The following ITSN1 variants were observed in gnomAD, a reference collection of about 807,000 sequenced individuals.
ITSN1 encodes the protein intersectin 1.
A neutral mutation model predicts 239.8 loss-of-function variants in ITSN1; 58 were observed. The observed-to-expected ratio is 0.24, with a 90% CI of 0.20 to 0.30. ITSN1 has a LOEUF of 0.30. Ranked by LOEUF, ITSN1 falls within the 10% of genes least tolerant of loss-of-function variation. ITSN1 has a pLI of 1.00. For missense variants in ITSN1, 1,558 were observed against 2,103.3 expected, an observed-to-expected ratio of 0.74 and a Z score of 5.07; for synonymous variants, 780 against 770.8, an observed-to-expected ratio of 1.01 and a Z score of -0.20.
intron 11 of ITSN1, among the ~76,000 whole-genome samples, chr21:33,770,744 C>T (rs969559942): frequency 5.3e-5 from 8 of 150,338 alleles, no homozygotes; most frequent in Non-Finnish European, 1.0e-4. Flanking sequence ...TCATCCCTTT[C>T]TGTGGGAGGG....
Position 33,818,360 on chromosome 21 carries a change from A to G in ITSN1, c.2821A>G (p.Thr941Ala), listed in dbSNP as rs770646771. The G allele has an allele frequency of 9.3e-6, 15 of 1,614,110 alleles. No individual in the cohort carries two copies. In the African/African-American group the frequency reaches 1.6e-4, roughly 17 times the overall value. ...HLNFNKNDVI[T>A]VLEQQDMWWF... is the part of the protein sequence containing the mutation. ...AAATTTTAACAAAAATGATGTCATC[A>G]CCGTCCTGGAACAGCAAGACATGTG... The change falls in exon 23 of 40, where the codon ACC becomes GCC. Residue 941 changes from threonine to alanine, a missense_variant. Physicochemically the swap from Thr to Ala is moderately conservative, Grantham distance 58. This residue lies in a region of ITSN1 where 982 missense variants were observed against 1,209.9 expected (regional missense o/e 0.81). Transcript: ENST00000381318.
At chr21:33,716,085 C>T (rs1309761329) in intron 1 of ITSN1, among the ~76,000 whole-genome samples, 14 of 152,068 alleles carry the variant, frequency 9.2e-5, no homozygotes, top group Admixed American at 9.2e-4. Context: ...ACCTAAGTAC[C>T]TGCAGAGGTC....
At chr21:33,646,447 A>T (rs1376100014) in intron 1 of ITSN1, among the ~76,000 whole-genome samples, 1 of 152,196 alleles carries the variant, frequency 6.6e-6, no homozygotes, top group Non-Finnish European at 1.5e-5. Flanking sequence ...AATAGAGAAA[A>T]TTGTTATGTT....
intron 1 of ITSN1, among the ~76,000 whole-genome samples, chr21:33,650,063 C>G (rs1009771946): frequency 4.0e-5 from 6 of 149,670 alleles, no homozygotes; most frequent in African/African-American, 1.5e-4. Flanking sequence ...AAGAAAATAA[C>G]AAGGTCATAG....
chr21:33,722,790 AC>A, intron 4 of ITSN1, 139 bp downstream of exon 4: 3 of 810,096 alleles, frequency 3.7e-6, no homozygotes, highest in Non-Finnish European at 5.2e-6. Context: ...GTTACTTCTT[AC>A]CAGAGAGTTA....
At chr21:33,844,512 C>T (rs1284942088) in intron 29 of ITSN1, among the ~76,000 whole-genome samples, 6 of 152,204 alleles carry the variant, frequency 3.9e-5, no homozygotes, top group African/African-American at 1.4e-4. Flanking sequence ...GACATGCCGG[C>T]TGCTGGATTT....
intron 5 of ITSN1, among the ~76,000 whole-genome samples, chr21:33,737,736 G>C (rs902531697): frequency 1.3e-5 from 2 of 152,002 alleles, no homozygotes; most frequent in African/African-American, 4.8e-5. Context: ...GCAACACCCA[G>C]CTAATTTTTG....
chr21:33,666,391 A>T (rs1342261600), intron 1 of ITSN1, among the ~76,000 whole-genome samples: 1 of 152,202 alleles, frequency 6.6e-6, no homozygotes, highest in African/African-American at 2.4e-5. Flanking sequence ...ATTGTCTGAG[A>T]TGTCACTGAA....
intron 1 of ITSN1, among the ~76,000 whole-genome samples, chr21:33,674,963 AAAAG>A (rs1159888605): frequency 6.6e-6 from 1 of 152,152 alleles, no homozygotes; most frequent in African/African-American, 2.4e-5. Context: ...TAATGAAAGA[AAAAG>A]AAAGATCATA....
chr21:33,728,067 T>C (rs111624619), intron 4 of ITSN1, among the ~76,000 whole-genome samples: 6,693 of 151,604 alleles, frequency 0.044, 503 homozygotes, highest in African/African-American at 0.16. Context: ...CGGGTCTAAG[T>C]GATTCTTCTG....
intron 24 of ITSN1, among the ~76,000 whole-genome samples, chr21:33,820,410 A>T (rs186133998): frequency 6.6e-6 from 1 of 152,370 alleles, no homozygotes; most frequent in African/African-American, 2.4e-5. Context: ...AACCAATTCT[A>T]TAGTAATTCT....
At chr21:33,745,781 C>T (rs2067142965) in intron 5 of ITSN1, among the ~76,000 whole-genome samples, 1 of 152,174 alleles carries the variant, frequency 6.6e-6, no homozygotes, top group Non-Finnish European at 1.5e-5. Flanking sequence ...AACTCGTGGT[C>T]ATGGCCAGGG....
intron 34 of ITSN1, among the ~76,000 whole-genome samples, chr21:33,880,469 G>A (rs1984712121): frequency 6.6e-6 from 1 of 152,138 alleles, no homozygotes; most frequent in South Asian, 2.1e-4. Flanking sequence ...TTCTTTGAAG[G>A]TTCCTGTTGT....
intron 1 of ITSN1, among the ~76,000 whole-genome samples, chr21:33,717,643 TCTC>T (rs2065234217): frequency 5.3e-5 from 8 of 151,420 alleles, no homozygotes; most frequent in Admixed American, 2.6e-4. Flanking sequence ...GCAAGCTCCA[TCTC>T]CTGGGTTCAC....
chr21:33,860,559 G>T (rs141810603), intron 31 of ITSN1, among the ~76,000 whole-genome samples: 1 of 152,146 alleles, frequency 6.6e-6, no homozygotes, highest in African/African-American at 2.4e-5. Context: ...TGAGCTGTGT[G>T]GGGGGCCAGG....
At chr21:33,847,016 G>A (rs563639598) in intron 29 of ITSN1, among the ~76,000 whole-genome samples, 73 of 152,320 alleles carry the variant, frequency 4.8e-4, no homozygotes, top group South Asian at 4.1e-3. Context: ...GGGCCCCTGC[G>A]GATCTATGCA....
chr21:33,862,501 G>A (rs1247284406), intron 31 of ITSN1, among the ~76,000 whole-genome samples: 1 of 152,170 alleles, frequency 6.6e-6, no homozygotes, highest in Non-Finnish European at 1.5e-5. Context: ...GAAGAGGGAA[G>A]GAGAGAGGGC....
chr21:33,762,193 C>A (rs1441247517), intron 9 of ITSN1, among the ~76,000 whole-genome samples: 1 of 151,974 alleles, frequency 6.6e-6, no homozygotes, highest in Non-Finnish European at 1.5e-5. Context: ...ACAATAAATT[C>A]TGAAGGAGTG....
chr21:33,705,648 T>G (rs1164925343), intron 1 of ITSN1, among the ~76,000 whole-genome samples: 1 of 152,118 alleles, frequency 6.6e-6, no homozygotes, highest in African/African-American at 2.4e-5. Flanking sequence ...CGCCTCAGCC[T>G]CCCAAAGTGC....
Sources: gnomAD v4.1 joint callset for allele counts (sites outside exome capture counted in the v4.1 genomes callset) on GRCh38, gnomAD v4.1.1 for gene constraint, gnomAD v4.1.1 regional missense constraint, MANE v1.5 for transcripts, NCBI Gene and HGNC (gene_info 2026-07-23, HGNC 2026-07-21) for gene names.